The following DAB1 variants were observed in gnomAD, a reference collection of about 807,000 sequenced individuals.
DAB1 encodes disabled homolog 1.
A neutral mutation model predicts 64.6 loss-of-function variants in DAB1; 15 were observed. The ratio of observed to expected loss-of-function variants is 0.23; its 90% CI spans 0.16 to 0.36. The LOEUF (loss-of-function observed/expected upper bound fraction) is 0.36. Among genes scored for constraint, DAB1 ranks in the 10% least tolerant of loss-of-function variants. The probability of loss-of-function intolerance (pLI) is 1.00; values close to 1 mark genes in which losing one functional copy is unlikely to be tolerated. For synonymous variants in DAB1, 235 were observed against 251.9 expected (o/e 0.93, Z 0.64); for missense variants, 596 against 706.7 (o/e 0.84, Z 1.78).
intron 5 of DAB1, among the ~76,000 whole-genome samples, chr1:58,064,701 TTATTTATG>T (rs1220347968): frequency 3.6e-5 from 4 of 111,358 alleles, no homozygotes; most frequent in Non-Finnish European, 5.6e-5. Flanking sequence ...ATTTATGTAT[TTATTTATG>T]TATTTATGTA....
At chr1:57,776,007 A>G (rs765919176) in intron 6 of DAB1, among the ~76,000 whole-genome samples, 3 of 151,724 alleles carry the variant, frequency 2.0e-5, no homozygotes, top group Non-Finnish European at 4.4e-5. Context: ...TACTTTGTCT[A>G]AAATTAATAT....
chr1:57,663,764 T>A (rs1404004894), intron 6 of DAB1, among the ~76,000 whole-genome samples: 1 of 152,194 alleles, frequency 6.6e-6, no homozygotes, highest in African/African-American at 2.4e-5. Context: ...CGGATCCTTA[T>A]TAATATTACA....
At chr1:58,324,472 C>T (rs915988932) in intron 4 of DAB1, among the ~76,000 whole-genome samples, 2 of 152,106 alleles carry the variant, frequency 1.3e-5, no homozygotes, top group Non-Finnish European at 2.9e-5. Flanking sequence ...GAAGACTAAT[C>T]GTCTCACTTT....
intron 8 of DAB1, among the ~76,000 whole-genome samples, chr1:57,067,071 C>T (rs539002674): frequency 1.3e-5 from 2 of 152,236 alleles, no homozygotes; most frequent in African/African-American, 4.8e-5. Flanking sequence ...TATCTTCAGG[C>T]CCAAGAGCTT....
intron 1 of DAB1, among the ~76,000 whole-genome samples, chr1:57,379,842 G>A (rs1301497831): frequency 6.6e-6 from 1 of 152,170 alleles, no homozygotes; most frequent in Admixed American, 6.6e-5. Context: ...AGAAGATCAA[G>A]GGCTTGCGTT....
chr1:57,015,108 T>A lies in DAB1; in HGVS notation c.1219A>T (p.Arg407Trp). Residue 407 changes from arginine (R) to tryptophan (W), a missense_variant, in exon 12 of 15, where the codon AGG becomes TGG. Coordinates refer to ENST00000371236, the MANE Select transcript of DAB1 (RefSeq NM_001365792.1). ...AACGTTTCTTTGCCCATTTTCTGCC[T>A]GGGCTTGTCGGTCTGTGGACTTGAC... Reference protein sequence around the residue: ...TRSSPQTDKPRQKMGKETFKD... With the variant: ...TRSSPQTDKPWQKMGKETFKD... The A allele has an allele frequency of 3.1e-6, 5 of 1,614,208 alleles. No homozygotes were observed. The highest frequency in any genetic ancestry group is 4.2e-6 in the Non-Finnish European group (5 of 1,180,040).
chr1:57,706,766 A>T (rs1291623406), intron 6 of DAB1, among the ~76,000 whole-genome samples: 1 of 151,924 alleles, frequency 6.6e-6, no homozygotes, highest in African/African-American at 2.4e-5. Context: ...TCATGTATTA[A>T]CCACCCCAAT....
chr1:57,299,188 T>G (rs1673434236), intron 1 of DAB1, among the ~76,000 whole-genome samples: 1 of 152,234 alleles, frequency 6.6e-6, no homozygotes, highest in Non-Finnish European at 1.5e-5. Context: ...GATAAATAAG[T>G]GGGATCTTGC....
chr1:57,827,929 A>G (rs770823616), intron 1 of DAB1, among the ~76,000 whole-genome samples: 30 of 152,106 alleles, frequency 2.0e-4, no homozygotes, highest in Non-Finnish European at 4.1e-4. Context: ...TGTTGACATG[A>G]TCATCCCTAT....
intron 2 of DAB1, among the ~76,000 whole-genome samples, chr1:57,182,266 C>T (rs780979552): frequency 6.6e-6 from 1 of 152,154 alleles, no homozygotes; most frequent in Non-Finnish European, 1.5e-5. Flanking sequence ...TTTACAGAAC[C>T]CCCAACAATA....
rs1319400363 is a variant in DAB1, at chr1:57,183,670, T to C, written c.68-38241A>G. On this transcript the variant is annotated intron_variant, in intron 2 of 14. Coordinates refer to ENST00000371236, the MANE Select transcript of DAB1 (RefSeq NM_001365792.1). ...TTCCTAATAACTTGCCAGTTACACA[T>C]TAGCTCATCTGGAACAATAAACCTA... 2.6e-5 allele frequency among the ~76,000 whole-genome samples: 4 copies of C among 152,178 alleles called. No homozygotes were observed. The South Asian group carries it at 8.3e-4, about 31-fold the overall frequency.
chr1:57,847,213 G>A (rs2101923113), intron 1 of DAB1, among the ~76,000 whole-genome samples: 1 of 151,992 alleles, frequency 6.6e-6, no homozygotes, highest in East Asian at 1.9e-4. Context: ...ATAAGCTCAG[G>A]GATGATTTTT....
intron 7 of DAB1, among the ~76,000 whole-genome samples, chr1:57,431,216 G>T (rs1685503019): frequency 6.7e-6 from 1 of 149,702 alleles, no homozygotes; most frequent in African/African-American, 2.5e-5. Context: ...TCCCCTCTGA[G>T]GGTGGCTGTA....
At chr1:57,016,495 G>T (rs1229063683) in intron 11 of DAB1, among the ~76,000 whole-genome samples, 1 of 151,978 alleles carries the variant, frequency 6.6e-6, no homozygotes, top group African/African-American at 2.4e-5. Flanking sequence ...GGAGGCTGAG[G>T]CGGGAGGATC....
chr1:57,658,352 G>A (rs1328870651), intron 6 of DAB1, among the ~76,000 whole-genome samples: 2 of 143,098 alleles, frequency 1.4e-5, no homozygotes, highest in East Asian at 2.0e-4. Context: ...CGCCCAGGCT[G>A]GAGTGCAGTG....
chr1:57,922,157 T>C (rs1048246008), intron 5 of DAB1, among the ~76,000 whole-genome samples: 3 of 152,220 alleles, frequency 2.0e-5, no homozygotes, highest in African/African-American at 7.2e-5. Flanking sequence ...TTGGTTCATC[T>C]GTGTCATTTT....
intron 3 of DAB1, among the ~76,000 whole-genome samples, chr1:58,455,514 G>A (rs1023960395): frequency 1.3e-5 from 2 of 152,270 alleles, no homozygotes; most frequent in African/African-American, 4.8e-5. Flanking sequence ...GGCGGAGAGA[G>A]GGGTGAGGCG....
intron 2 of DAB1, among the ~76,000 whole-genome samples, chr1:58,508,110 T>C (rs1245766136): frequency 6.6e-6 from 1 of 151,964 alleles, no homozygotes; most frequent in African/African-American, 2.4e-5. Context: ...TATGCAGAAA[T>C]AGAAAAAGAA....
chr1:58,220,636 A>C (rs538697862), intron 4 of DAB1, among the ~76,000 whole-genome samples: 1 of 152,260 alleles, frequency 6.6e-6, no homozygotes, highest in South Asian at 2.1e-4. Flanking sequence ...CTCTCTACTG[A>C]AGAACTTAGG....
Sources: gnomAD v4.1 joint callset for allele counts (sites outside exome capture counted in the v4.1 genomes callset) on GRCh38, gnomAD v4.1.1 for gene constraint, MANE v1.5 for transcripts, NCBI Gene and HGNC (gene_info 2026-07-23, HGNC 2026-07-21) for gene names.